RHOBTB3: variants seen among roughly 807,000 people sequenced by gnomAD.
RHOBTB3 encodes rho-related BTB domain-containing protein 3.
Under a neutral mutation model 67.2 loss-of-function variants are expected in RHOBTB3, and 47 were observed. The ratio of observed to expected loss-of-function variants is 0.70; its 90% confidence interval spans 0.55 to 0.89. The LOEUF (loss-of-function observed/expected upper bound fraction) is 0.89, where lower values mean the gene tolerates loss of function less well. Ranked by LOEUF, RHOBTB3 falls within the 40% of genes least tolerant of loss-of-function variation. The pLI is 0.00. For missense variants in RHOBTB3, 631 were observed against 750.0 expected (o/e 0.84, Z 1.85); for synonymous variants, 273 against 274.2 (o/e 1.00, Z 0.04).
intron 4 of RHOBTB3, among the ~76,000 whole-genome samples, chr5:95,750,629 C>T (rs1032936831): frequency 3.3e-4 from 51 of 152,330 alleles, no homozygotes; most frequent in African/African-American, 3.4e-4. Context: ...CAGAATTCTC[C>T]GGCCACTGGT....
chr5:95,724,136 G>T lies in RHOBTB3; in HGVS notation n.133+6371G>T, dbSNP rs116383182. Among the ~76,000 whole-genome samples, 938 of 152,200 alleles carry T rather than the reference G, an allele frequency of 6.2e-3. 7 individuals are homozygous for T. The highest frequency in any genetic ancestry group is 1.0e-2 in the Non-Finnish European group (678 of 68,000). ...GAATATGTCTCATTTTAAAATCTTG[G>T]TTTATACTTCATGACACAGCAATAC... is the stretch of plus-strand genomic sequence containing the variant. On this transcript the variant is annotated intron_variant and non_coding_transcript_variant, in intron 1 of 5. Coordinates refer to the RHOBTB3 transcript ENST00000504949.
At chr5:95,778,945 T>C (rs1374968080) in intron 8 of RHOBTB3, among the ~76,000 whole-genome samples, 1 of 152,254 alleles carries the variant, frequency 6.6e-6, no homozygotes, top group Admixed American at 6.5e-5. Flanking sequence ...GCTGTGCAAA[T>C]GGCAGTGCCG....
Position 95,734,760 on chromosome 5 carries a change from T to C in RHOBTB3, c.229-2129T>C, listed in dbSNP as rs61548221. ...AGGTAGTTTAATAGATTTACAGTTTTCTTTGCAGGGTTTGAAGCTCTGATT... is the reference window on the plus strand; with the variant it reads ...AGGTAGTTTAATAGATTTACAGTTTCCTTTGCAGGGTTTGAAGCTCTGATT... On this transcript the variant is annotated intron_variant, in intron 2 of 11. Transcript: ENST00000379982. Among the ~76,000 whole-genome samples the C allele has an allele frequency of 5.5e-3, 844 of 152,332 alleles. 10 individuals carry two copies. The highest frequency in any genetic ancestry group is 0.045 in the South Asian group (218 of 4,824).
intron 8 of RHOBTB3, chr5:95,769,302 G>T: frequency 2.1e-6 from 1 of 469,330 alleles, no homozygotes; most frequent in South Asian, 1.6e-5. Flanking sequence ...ACACTAAGAT[G>T]TTGCCAGTAA....
At position 95,768,160 on chromosome 5, in the gene RHOBTB3, A is replaced by T; in HGVS notation, c.1276A>T (p.Ile426Phe). 3 of 1,611,458 alleles carry T rather than the reference A, an allele frequency of 1.9e-6. No individual in the cohort carries two copies. Among genetic ancestry groups the T allele is most frequent in the Non-Finnish European group, 2.5e-6 (3 of 1,179,184 alleles). Residue 426 changes from isoleucine to phenylalanine, a missense_variant, in exon 8 of 12, where the codon ATT becomes TTT. Coordinates refer to ENST00000379982, the MANE Select transcript of RHOBTB3 (RefSeq NM_014899.4). ...KPMLADVVFE[I>F]QGTTVPAHRA... is the part of the protein sequence containing the mutation. ...GATGCTTGCCGATGTTGTCTTCGAAATTCAAGGTACGGATCAACTTTTACA... is the reference window on the plus strand; with the variant it reads ...GATGCTTGCCGATGTTGTCTTCGAATTTCAAGGTACGGATCAACTTTTACA...
intron 8 of RHOBTB3, among the ~76,000 whole-genome samples, chr5:95,777,420 A>C (rs2112826033): frequency 1.3e-5 from 2 of 152,228 alleles, no homozygotes; most frequent in South Asian, 4.2e-4. Flanking sequence ...TTTTTGTTTC[A>C]CTCTTGTAGT....
Position 95,784,898 on chromosome 5 carries a change from A to G in RHOBTB3, c.1623+935A>G, listed in dbSNP as rs555516074. Among the ~76,000 whole-genome samples the G allele has an allele frequency of 1.6e-4, 24 of 152,272 alleles. No individual in the cohort carries two copies. The East Asian group carries it at 4.2e-3, about 27-fold the overall frequency. ...TGGTAGTTATGGCACACTCTTGTGT[A>G]CTCAACTTGTGGTAAGCCGAGCCCT... is the stretch of plus-strand genomic sequence containing the variant. On this transcript the variant is annotated intron_variant, in intron 10 of 11. Transcript: ENST00000379982.
chr5:95,736,357 C>A (rs1470257117), intron 2 of RHOBTB3, among the ~76,000 whole-genome samples: 1 of 152,214 alleles, frequency 6.6e-6, no homozygotes, highest in Non-Finnish European at 1.5e-5. Flanking sequence ...TCTTTATATA[C>A]AGTACTGTCC....
intron 8 of RHOBTB3, among the ~76,000 whole-genome samples, chr5:95,775,015 C>T (rs1745825470): frequency 6.6e-6 from 1 of 152,124 alleles, no homozygotes; most frequent in African/African-American, 2.4e-5. Flanking sequence ...CTACTTGCCA[C>T]ATGATGGTAG....
intron 1 of RHOBTB3, among the ~76,000 whole-genome samples, chr5:95,720,367 G>A (rs1440293861): frequency 6.6e-6 from 1 of 152,142 alleles, no homozygotes; most frequent in African/African-American, 2.4e-5. Flanking sequence ...AGATTATGAT[G>A]GGGATCATTA....
intron 4 of RHOBTB3, among the ~76,000 whole-genome samples, chr5:95,749,197 G>T (rs1260584751): frequency 6.6e-6 from 1 of 152,220 alleles, no homozygotes; most frequent in African/African-American, 2.4e-5. Flanking sequence ...CCTCTCAACA[G>T]ACAAATCTGA....
At chr5:95,722,359 G>A (rs773037250) in intron 1 of RHOBTB3, among the ~76,000 whole-genome samples, 1 of 152,120 alleles carries the variant, frequency 6.6e-6, no homozygotes, top group Admixed American at 6.5e-5. Context: ...CTAACATACT[G>A]TATTTCTGTA....
chr5:95,747,079 A>C (rs1440541180), intron 3 of RHOBTB3, among the ~76,000 whole-genome samples: 2 of 152,142 alleles, frequency 1.3e-5, no homozygotes, highest in Admixed American at 6.5e-5. Context: ...CTGCTGATGC[A>C]CATCTGAGCC....
At chr5:95,784,063 G>C in intron 10 of RHOBTB3, 100 bp downstream of exon 10, 1 of 979,788 alleles carries the variant, frequency 1.0e-6, no homozygotes, top group South Asian at 2.5e-5. Flanking sequence ...GTTAATACTA[G>C]TCTTAGTTTG....
Position 95,731,566 on chromosome 5 carries a change from G to C in RHOBTB3, c.-117G>C. On this transcript the variant is annotated 5_prime_UTR_variant, in exon 1 of 12. Coordinates refer to ENST00000379982, the MANE Select transcript of RHOBTB3 (RefSeq NM_014899.4). The stretch of plus-strand genomic sequence containing the variant: ...CGGCCCCGCCGCGGTGGAGGCGCGC[G>C]AGGGGGACGCGGCCGGGGATGAGCG... 2 of 1,497,534 alleles carry C rather than the reference G, an allele frequency of 1.3e-6. No homozygotes were observed. Among genetic ancestry groups the C allele is most frequent in the Non-Finnish European group, 1.8e-6 (2 of 1,123,442 alleles). The allele number at this position is 1,497,534 out of a possible 1,614,324, so 92.8% of individuals were successfully genotyped here. A position where few individuals can be genotyped will look rare whatever the true frequency, so the allele number is the denominator to read the frequency against.
At chr5:95,757,453 A>G (rs1477743785) in intron 6 of RHOBTB3, among the ~76,000 whole-genome samples, 1 of 152,206 alleles carries the variant, frequency 6.6e-6, no homozygotes, top group Non-Finnish European at 1.5e-5. Flanking sequence ...ATTTGTTTTT[A>G]GGGTTCAAGT....
chr5:95,753,996 C>T (rs903761301), intron 5 of RHOBTB3, among the ~76,000 whole-genome samples: 2 of 152,020 alleles, frequency 1.3e-5, no homozygotes, highest in African/African-American at 4.8e-5. Context: ...GTAGTCCCAG[C>T]TACTCGGAAG....
At chr5:95,785,737 G>A (rs779795497) in intron 10 of RHOBTB3, among the ~76,000 whole-genome samples, 3 of 152,092 alleles carry the variant, frequency 2.0e-5, no homozygotes, top group African/African-American at 7.2e-5. Context: ...CATTTTTGAT[G>A]TATCATTTTC....
intron 5 of RHOBTB3, among the ~76,000 whole-genome samples, chr5:95,752,793 GT>G (rs1273182579): frequency 7.9e-5 from 12 of 152,072 alleles, no homozygotes; most frequent in Admixed American, 7.9e-4. Flanking sequence ...CATCATAATG[GT>G]ATTGTGATGA....
Sources: allele counts gnomAD v4.1 joint callset (sites outside exome capture counted in the v4.1 genomes callset), GRCh38; gene constraint gnomAD v4.1.1; transcripts MANE v1.5; gene names NCBI Gene and HGNC (gene_info 2026-07-23, HGNC 2026-07-21).